The following PARP14 variants were observed in gnomAD, a reference collection of about 807,000 sequenced individuals.
The protein encoded by PARP14 is poly(ADP-ribose) polymerase family member 14, also known as protein mono-ADP-ribosyltransferase PARP14.
PARP14 carries 59 observed loss-of-function variants against 154.2 expected under a neutral mutation model. That is an observed-to-expected ratio of 0.38 (90% CI 0.31 to 0.48). The LOEUF (loss-of-function observed/expected upper bound fraction) is 0.48. Among genes scored for constraint, PARP14 ranks in the 20% least tolerant of loss-of-function variants. The pLI, the probability that PARP14 is intolerant of heterozygous loss-of-function variation, is 0.98. For synonymous variants in PARP14, 720 were observed against 780.5 expected (o/e 0.92, Z 1.29); for missense variants, 1,734 against 2,131.6 (o/e 0.81, Z 3.67).
chr3:122,711,390 T>C (rs1576595644), intron 9 of PARP14, among the ~76,000 whole-genome samples: 1 of 152,240 alleles, frequency 6.6e-6, no homozygotes, highest in Non-Finnish European at 1.5e-5. Flanking sequence ...GTATCATATT[T>C]ATTGACTTTT....
At chr3:122,710,535 A>G (rs139291151) in intron 9 of PARP14, among the ~76,000 whole-genome samples, 2 of 151,982 alleles carry the variant, frequency 1.3e-5, no homozygotes, top group African/African-American at 4.8e-5. Flanking sequence ...GCTTGGCTAT[A>G]TGGGCTCTTT....
Position 122,708,195 on chromosome 3 carries a change from T to G in PARP14, c.3546T>G (p.Phe1182Leu). 1 of 1,546,324 alleles carries G rather than the reference T, an allele frequency of 6.5e-7. No individual in the cohort carries two copies. The highest frequency in any genetic ancestry group is 8.8e-7 in the Non-Finnish European group (1 of 1,134,984). Residue 1182 changes from phenylalanine (F) to leucine (L), a missense_variant, in exon 9 of 17, where the codon TTT becomes TTG. Around this residue, in one of 2 missense-constraint regions of PARP14, gnomAD observed 1,646 missense variants for 1,976.0 expected, o/e 0.83. Transcript: ENST00000474629. ...ACGCTGTGTTTATATTTCAGGCATT[T>G]TCAGATGAATTTGCCAGAAGGGCTA... ...HPSDHENIQA[F>L]SDEFARRANG...
chr3:122,711,333 T>C (rs1190625292), intron 9 of PARP14, among the ~76,000 whole-genome samples: 2 of 152,240 alleles, frequency 1.3e-5, no homozygotes, highest in East Asian at 1.9e-4. Flanking sequence ...TTTCTGCATC[T>C]ATTGAGATGA....
At chr3:122,720,125 G>T in intron 14 of PARP14, 130 bp from the exon 15 acceptor site, 1 of 885,062 alleles carries the variant, frequency 1.1e-6, no homozygotes, top group Non-Finnish European at 1.7e-6. Flanking sequence ...TTTGAAAAGC[G>T]TTCTCCTAGA....
Position 122,700,276 on chromosome 3 carries a change from T to G in PARP14, c.1722T>G (p.Thr574=), listed in dbSNP as rs539543597. 6.2e-7 allele frequency: 1 copy of G among 1,613,274 alleles called. No individual in the cohort carries two copies. The highest frequency in any genetic ancestry group is 2.2e-5 in the East Asian group (1 of 44,880). The stretch of plus-strand genomic sequence containing the variant: ...CACTTTATGAGCTAGAGGGTACAAC[T>G]GTTCTCTTAACCAGCTGTTCTTCTG... ...ILALYELEGT[T]VLLTSCSSEA... is the part of the protein sequence containing the mutation. Residue 574 remains threonine (T), a synonymous_variant, in exon 6 of 17, where the codon ACT becomes ACG. Transcript: ENST00000474629.
chr3:122,685,139 A>G lies in PARP14; in HGVS notation c.188-46A>G, dbSNP rs184091274. On this transcript the variant is annotated intron_variant, in intron 1 of 16. Transcript: ENST00000474629. ...AAATCATAGAATAATTTTGTAAATA[A>G]AGATTGCTTGTCATTTGTCTTTTTT... 180 of 1,602,196 alleles carry G rather than the reference A, an allele frequency of 1.1e-4. No homozygotes were observed. In the African/African-American group the frequency reaches 1.9e-3, roughly 17 times the overall value.
In PARP14 at chr3:122,703,745, G is replaced by T. The variant is rs367885312; in HGVS notation, c.3085G>T (p.Asp1029Tyr). The stretch of plus-strand genomic sequence containing the variant: ...AATTTTTGGTTTTGTCTTTAAGACC[G>T]ATGTTGTTGTCAACTCCGTTCCCTT... Reference protein sequence around the residue: ...VKEGVQNAKTDVVVNSVPLDL... With the variant: ...VKEGVQNAKTYVVVNSVPLDL... The change falls in exon 7 of 17, where the codon GAT (aspartate) becomes TAT (tyrosine). Residue 1029 changes from aspartate to tyrosine, a missense_variant. Coordinates refer to ENST00000474629, the MANE Select transcript of PARP14 (RefSeq NM_017554.3). 3 of 1,580,014 alleles carry T rather than the reference G, an allele frequency of 1.9e-6. No individual in the cohort carries two copies. Among genetic ancestry groups the T allele is most frequent in the Non-Finnish European group, 2.6e-6 (3 of 1,161,894 alleles).
intron 12 of PARP14, among the ~76,000 whole-genome samples, chr3:122,717,379 G>A (rs1204966806): frequency 6.6e-6 from 1 of 152,204 alleles, no homozygotes; most frequent in African/African-American, 2.4e-5. Flanking sequence ...GGCTTGAGAA[G>A]GAGGATATGG....
intron 14 of PARP14, among the ~76,000 whole-genome samples, chr3:122,719,408 A>T (rs1244746804): frequency 6.6e-6 from 1 of 152,200 alleles, no homozygotes. Context: ...TCCAGGGAGG[A>T]TCGGGAGCCT....
At chr3:122,716,949 G>C (rs562800819) in intron 12 of PARP14, among the ~76,000 whole-genome samples, 3 of 152,168 alleles carry the variant, frequency 2.0e-5, no homozygotes, top group Non-Finnish European at 4.4e-5. Context: ...TGAGTACCTA[G>C]CCAGTGATAG....
intron 12 of PARP14, among the ~76,000 whole-genome samples, chr3:122,715,927 A>C (rs1326603432): frequency 1.3e-5 from 2 of 152,172 alleles, no homozygotes; most frequent in Non-Finnish European, 2.9e-5. Context: ...TCTGGACTCA[A>C]TTCTGGACTC....
chr3:122,704,377 T>A, intron 7 of PARP14, 150 bp from the exon 8 acceptor site: 1 of 599,790 alleles, frequency 1.7e-6, no homozygotes, highest in Non-Finnish European at 3.0e-6. Flanking sequence ...TGCCTTCTCC[T>A]GTATTTTTCT....
At chr3:122,692,243 C>T in intron 3 of PARP14, 58 bp from the exon 4 acceptor site, 2 of 1,490,486 alleles carry the variant, frequency 1.3e-6, no homozygotes, top group Non-Finnish European at 1.8e-6. Context: ...ACTTACTTTG[C>T]TAAGACCATG....
At chr3:122,684,419 G>A (rs1360970064) in intron 1 of PARP14, among the ~76,000 whole-genome samples, 4 of 152,154 alleles carry the variant, frequency 2.6e-5, no homozygotes, top group African/African-American at 9.7e-5. Flanking sequence ...CGTAGTTCTT[G>A]AGGATGTTAC....
chr3:122,681,270 C>A lies in PARP14; in HGVS notation c.187+200C>A, dbSNP rs1938198085. ...GGCGCTGCGGTTCCCCGGCGCCCTG[C>A]GCTTCCAGGCGCTTAATGGCGCGGC... On this transcript the variant is annotated intron_variant, in intron 1 of 16. Transcript: ENST00000474629. The surrounding 1 kb of genome is among the most constrained non-coding windows in gnomAD (Gnocchi z 5.5). Among the ~76,000 whole-genome samples, 1 of 150,528 alleles carries A rather than the reference C, an allele frequency of 6.6e-6. No homozygotes were observed. The highest frequency in any genetic ancestry group is 1.5e-5 in the Non-Finnish European group (1 of 67,560).
rs754275713 is a variant in PARP14, at chr3:122,718,774, C to A, written c.4623C>A (p.Asp1541Glu). 8 of 1,613,226 alleles carry A rather than the reference C, an allele frequency of 5.0e-6. No individual in the cohort carries two copies. The highest frequency in any genetic ancestry group is 1.1e-5 in the South Asian group (1 of 91,054). ...ISEFIEWQYN[D>E]NNTSHCFNKM... ...AGTTTATAGAATGGCAGTATAATGACAATAACACTTCTCATTGTTTTAACA... is the reference window on the plus strand; with the variant it reads ...AGTTTATAGAATGGCAGTATAATGAAAATAACACTTCTCATTGTTTTAACA... Residue 1541 changes from aspartate to glutamate, a missense_variant, in exon 14 of 17, where the codon GAC becomes GAA. By Grantham distance (45) the Asp-to-Glu change is conservative. Around this residue, in one of 2 missense-constraint regions of PARP14, gnomAD observed 1,646 missense variants for 1,976.0 expected, o/e 0.83. Coordinates refer to ENST00000474629, the MANE Select transcript of PARP14 (RefSeq NM_017554.3).
intron 2 of PARP14, 39 bp from the exon 3 acceptor site, chr3:122,687,041 T>C (rs777916793): frequency 7.1e-7 from 1 of 1,412,108 alleles, no homozygotes; most frequent in East Asian, 2.4e-5. Flanking sequence ...AATAAATTGT[T>C]AATCATGTAT....
rs1179251554 is a variant in PARP14 at position 122,704,042 on chromosome 3, A to G, written c.3318+64A>G. ...CCCTTTGGGTTCTCCTTTTAGTAGC[A>G]TATTAATTGGACATAGATTGGGCCT... is the stretch of plus-strand genomic sequence containing the variant. On this transcript the variant is annotated intron_variant, in intron 7 of 16. Coordinates refer to ENST00000474629, the MANE Select transcript of PARP14 (RefSeq NM_017554.3). 8 of 1,051,322 alleles carry G rather than the reference A, an allele frequency of 7.6e-6. No individual in the cohort carries two copies. The East Asian group carries it at 1.2e-4, about 16-fold the overall frequency. The allele number at this position is 1,051,322 out of a possible 1,614,324, so 65.1% of individuals were successfully genotyped here.
chr3:122,725,430 C>T (rs879359699), intron 15 of PARP14, among the ~76,000 whole-genome samples: 6 of 152,026 alleles, frequency 3.9e-5, no homozygotes, highest in East Asian at 1.9e-4. Context: ...CGGGCAGAGG[C>T]GAATTTTTTC....
Sources: allele counts gnomAD v4.1 joint callset (sites outside exome capture counted in the v4.1 genomes callset), GRCh38; gene constraint gnomAD v4.1.1; regional missense constraint gnomAD v4.1.1; non-coding constraint Gnocchi (gnomAD v3.1); transcripts MANE v1.5; gene names NCBI Gene and HGNC (gene_info 2026-07-23, HGNC 2026-07-21).